Variants in C19orf44 observed in about 807,000 individuals in gnomAD.
The protein encoded by C19orf44 is uncharacterized protein C19orf44.
In C19orf44, 43 loss-of-function variants were observed where a neutral mutation model predicts 50.7. That is an observed-to-expected ratio of 0.85 (90% CI 0.66 to 1.09). The LOEUF (loss-of-function observed/expected upper bound fraction) is 1.09. Ranked by LOEUF, C19orf44 falls within the 50% of genes least tolerant of loss-of-function variation. The pLI is 0.00. For synonymous variants in C19orf44, 298 were observed against 334.7 expected (o/e 0.89, Z 1.20); for missense variants, 722 against 836.2 (o/e 0.86, Z 1.68).
chr19:16,521,010 T>C lies in C19orf44; in HGVS notation c.*957T>C, dbSNP rs779091136. ...AGTTAATCCACAGAACCTTGGAGAGTACATGGCCCTGTGGCTGTGGGCTCC... is the reference window on the plus strand; with the variant it reads ...AGTTAATCCACAGAACCTTGGAGAGCACATGGCCCTGTGGCTGTGGGCTCC... On this transcript the variant is annotated 3_prime_UTR_variant, in exon 9 of 9. Transcript: ENST00000221671. 1 of 1,035,316 alleles carries C rather than the reference T, an allele frequency of 9.7e-7. No homozygotes were observed. The highest frequency in any genetic ancestry group is 2.4e-5 in the East Asian group (1 of 42,026). The allele number at this position is 1,035,316 out of a possible 1,614,324, so 64.1% of individuals were successfully genotyped here.
intron 3 of C19orf44, 48 bp downstream of exon 3, chr19:16,503,428 G>A: frequency 3.2e-6 from 5 of 1,561,802 alleles, no homozygotes; most frequent in Non-Finnish European, 4.3e-6. Flanking sequence ...AGGAAGGGTG[G>A]GGCCACCTTT....
chr19:16,516,819 A>G (rs1270902310), intron 7 of C19orf44, among the ~76,000 whole-genome samples: 4 of 152,226 alleles, frequency 2.6e-5, no homozygotes, highest in African/African-American at 9.6e-5. Flanking sequence ...TACAATGTCA[A>G]CTTTGCTCAT....
At chr19:16,516,061 G>A (rs1332462991) in intron 7 of C19orf44, among the ~76,000 whole-genome samples, 1 of 152,182 alleles carries the variant, frequency 6.6e-6, no homozygotes, top group Non-Finnish European at 1.5e-5. Context: ...GCCTCCCAAA[G>A]TGCTGGGATT....
In C19orf44 at chr19:16,519,615, C is replaced by G. The variant is rs779009766; in HGVS notation, c.*41-479C>G. On this transcript the variant is annotated intron_variant, in intron 8 of 8. Transcript: ENST00000221671. The surrounding 1 kb of genome is among the most constrained non-coding windows in gnomAD (Gnocchi z 6.0). ...ATCCCGCGCCCTCCCCATTCCCTCG[C>G]CTTACCCATCTTCACCAGCATCTGA... 11 of 1,613,484 alleles carry G rather than the reference C, an allele frequency of 6.8e-6. No individual in the cohort carries two copies. The highest frequency in any genetic ancestry group is 4.2e-6 in the Non-Finnish European group (5 of 1,179,480).
chr19:16,520,685 A>G lies in C19orf44; in HGVS notation c.*632A>G. On this transcript the variant is annotated 3_prime_UTR_variant, in exon 9 of 9. Transcript: ENST00000221671. The surrounding 1 kb of genome is among the most constrained non-coding windows in gnomAD (Gnocchi z 4.0). ...TGTGGCCGAGCCTGCTGCTGTGTGA[A>G]TTCAGGCCTTGTGGAAAACACCGCC... 8.8e-7 allele frequency: 1 copy of G among 1,141,732 alleles called. No individual in the cohort carries two copies. The highest frequency in any genetic ancestry group is 1.8e-5 in the Admixed American group (1 of 54,456). The allele number at this position is 1,141,732 out of a possible 1,614,324, so 70.7% of individuals were successfully genotyped here.
chr19:16,519,072 T>C lies in C19orf44; in HGVS notation c.*41-1022T>C. 7 of 1,206,962 alleles carry C rather than the reference T, an allele frequency of 5.8e-6. No individual in the cohort carries two copies. Among genetic ancestry groups the C allele is most frequent in the Non-Finnish European group, 8.2e-6 (7 of 850,078 alleles). 74.8% of individuals were successfully genotyped at this position (1,206,962 alleles called of 1,614,324 possible). On this transcript the variant is annotated intron_variant, in intron 8 of 8. Transcript: ENST00000221671. The surrounding 1 kb of genome is among the most constrained non-coding windows in gnomAD (Gnocchi z 6.0). Reference sequence around the variant, plus strand: ...AGTGGAGACGGTGTAAGAACTGAGCTGTCACTGCAATCTTCCTCTGCCAGT... The same window carrying C: ...AGTGGAGACGGTGTAAGAACTGAGCCGTCACTGCAATCTTCCTCTGCCAGT...
chr19:16,510,067 G>T, intron 5 of C19orf44, 79 bp downstream of exon 5: 1 of 1,601,164 alleles, frequency 6.2e-7, no homozygotes, highest in Non-Finnish European at 8.5e-7. Flanking sequence ...TGGGAGACAC[G>T]TGGGAGAGCT....
At chr19:16,506,065 A>T (rs2093439706) in intron 3 of C19orf44, among the ~76,000 whole-genome samples, 1 of 148,516 alleles carries the variant, frequency 6.7e-6, no homozygotes, top group Admixed American at 6.7e-5. Context: ...TGCAGCTTTG[A>T]ACTGGTCTCA....
At chr19:16,503,425 G>A in intron 3 of C19orf44, 45 bp downstream of exon 3, 4 of 1,565,616 alleles carry the variant, frequency 2.6e-6, no homozygotes, top group Non-Finnish European at 3.5e-6. Flanking sequence ...GGCAGGAAGG[G>A]TGGGGCCACC....
chr19:16,505,872 G>A (rs1017721798), intron 3 of C19orf44, among the ~76,000 whole-genome samples: 2 of 151,468 alleles, frequency 1.3e-5, no homozygotes, highest in Non-Finnish European at 1.5e-5. Context: ...AATAGAGATC[G>A]GGTTTCACCA....
chr19:16,515,189 C>T (rs891040494), intron 7 of C19orf44, among the ~76,000 whole-genome samples: 3 of 152,112 alleles, frequency 2.0e-5, no homozygotes, highest in African/African-American at 4.8e-5. Context: ...TGGTGAAGCC[C>T]CATCTCTACT....
rs575182489 is a variant in C19orf44, at chr19:16,520,234, G to A, written c.*181G>A. 8.7e-6 allele frequency: 14 copies of A among 1,613,416 alleles called. No homozygotes were observed. Among genetic ancestry groups the A allele is most frequent in the Admixed American group, 3.3e-5 (2 of 60,020 alleles). On this transcript the variant is annotated 3_prime_UTR_variant, in exon 9 of 9. Coordinates refer to ENST00000221671, the MANE Select transcript of C19orf44 (RefSeq NM_032207.4). The surrounding 1 kb of genome is among the most constrained non-coding windows in gnomAD (Gnocchi z 4.0). ...CGGGACCGCGACTGGGACCGGGAGC[G>A]GCTTCTGGAGGAGCGCGACCTGCTC...
Position 16,503,140 on chromosome 19 carries a change from C to G in C19orf44, c.835C>G (p.Leu279Val), listed in dbSNP as rs2093430582. 1.2e-6 allele frequency: 2 copies of G among 1,614,058 alleles called. No individual in the cohort carries two copies. The highest frequency in any genetic ancestry group is 2.7e-5 in the African/African-American group (2 of 74,936). The change falls in exon 3 of 9, where the codon CTG becomes GTG. Residue 279 changes from leucine (L) to valine (V), a missense_variant. Physicochemically the swap from Leu to Val is conservative, Grantham distance 32 (BLOSUM62 1). Transcript: ENST00000221671. ...CGCAAAGCCTTCTCAGACATCACAC[C>G]TGCCAACCTCCCTGGCAGCAGACAG... Reference protein sequence around the residue: ...SSAKPSQTSHLPTSLAADRTL... With the variant: ...SSAKPSQTSHVPTSLAADRTL...
At chr19:16,509,439 TC>T in intron 4 of C19orf44, 59 bp from the exon 5 acceptor site, 2 of 1,521,396 alleles carry the variant, frequency 1.3e-6, no homozygotes, top group Non-Finnish European at 1.8e-6. Flanking sequence ...AGTGCAGTGT[TC>T]CTAGCATGTT....
chr19:16,520,653 TAA>T lies in C19orf44; in HGVS notation c.*602_*603del. On this transcript the variant is annotated 3_prime_UTR_variant, in exon 9 of 9. Transcript: ENST00000221671. The surrounding 1 kb of genome is among the most constrained non-coding windows in gnomAD (Gnocchi z 4.0). ...AGCCACAGCAACGGTACCAAGTTCC[TAA>T]ATAGTGTGGCCGAGCCTGCTGCTGT... is the stretch of plus-strand genomic sequence containing the variant. 8.5e-7 allele frequency: 1 copy of T among 1,176,726 alleles called. No individual in the cohort carries two copies. 72.9% of individuals were successfully genotyped at this position (1,176,726 alleles called of 1,614,324 possible).
At chr19:16,511,477 C>A (rs1281692339) in intron 5 of C19orf44, among the ~76,000 whole-genome samples, 1 of 152,226 alleles carries the variant, frequency 6.6e-6, no homozygotes, top group African/African-American at 2.4e-5. Context: ...CATGAGCCAC[C>A]ATGCCTGGCC....
At chr19:16,500,080 C>T (rs748034961) in intron 1 of C19orf44, among the ~76,000 whole-genome samples, 44 of 152,148 alleles carry the variant, frequency 2.9e-4, no homozygotes, top group Non-Finnish European at 5.1e-4. Flanking sequence ...AGCCACCACG[C>T]CTGGCGCTTG....
intron 6 of C19orf44, 72 bp downstream of exon 6, chr19:16,513,181 A>C: frequency 7.0e-7 from 1 of 1,436,206 alleles, no homozygotes; most frequent in Non-Finnish European, 9.7e-7. Context: ...ATTCACACCC[A>C]CTCTGGAGGT....
At position 16,519,585 on chromosome 19, in the gene C19orf44, G is replaced by T; in HGVS notation, c.*41-509G>T. 2 of 1,568,242 alleles carry T rather than the reference G, an allele frequency of 1.3e-6. No individual in the cohort carries two copies. Among genetic ancestry groups the T allele is most frequent in the Non-Finnish European group, 1.8e-6 (2 of 1,138,620 alleles). On this transcript the variant is annotated intron_variant, in intron 8 of 8. Coordinates refer to ENST00000221671, the MANE Select transcript of C19orf44 (RefSeq NM_032207.4). This position sits in a 1 kb window ranked among gnomAD's most constrained non-coding sequence, Gnocchi z 6.0. Reference sequence around the variant, plus strand: ...GACTCCCGGGCCCAGCACGCGTGAGGACCCATCCCGCGCCCTCCCCATTCC... The same window carrying T: ...GACTCCCGGGCCCAGCACGCGTGAGTACCCATCCCGCGCCCTCCCCATTCC...
Sources: gnomAD v4.1 joint callset for allele counts (sites outside exome capture counted in the v4.1 genomes callset) on GRCh38, gnomAD v4.1.1 for gene constraint, Gnocchi (gnomAD v3.1) non-coding constraint, MANE v1.5 for transcripts, NCBI Gene and HGNC (gene_info 2026-07-23, HGNC 2026-07-21) for gene names.